Variants in SLC22A24 observed in about 807,000 individuals in gnomAD.
SLC22A24 encodes the protein steroid transmembrane transporter SLC22A24.
Under a neutral mutation model 49.8 loss-of-function variants are expected in SLC22A24, and 53 were observed. The ratio of observed to expected loss-of-function variants is 1.06; its 90% CI spans 0.85 to 1.34. SLC22A24 has a LOEUF of 1.34. Ranked by LOEUF, SLC22A24 falls within the 40% of genes most tolerant of loss-of-function variation. The pLI is 0.00. For missense variants in SLC22A24, 786 were observed against 675.9 expected (o/e 1.16, Z -1.81); for synonymous variants, 302 against 256.4 (o/e 1.18, Z -1.70).
intron 4 of SLC22A24, 131 bp from the exon 5 acceptor site, chr11:63,104,429 TTGGCCTCCTCTGC>T: frequency 1.0e-6 from 1 of 968,538 alleles, no homozygotes; most frequent in Non-Finnish European, 1.5e-6. Context: ...TCTGACCAAA[TTGGCCTCCTCTGC>T]TGGACTCCTA....
intron 4 of SLC22A24, among the ~76,000 whole-genome samples, chr11:63,105,508 C>A (rs1469288809): frequency 6.6e-6 from 1 of 152,142 alleles, no homozygotes; most frequent in Non-Finnish European, 1.5e-5. Context: ...TTCTGTGCAC[C>A]TGCAGGCTCA....
intron 2 of SLC22A24, among the ~76,000 whole-genome samples, chr11:63,132,502 C>A (rs1182002918): frequency 2.0e-5 from 3 of 152,276 alleles, no homozygotes; most frequent in Admixed American, 1.3e-4. Context: ...TGATGCTATT[C>A]CTTTCTGTTT....
intron 5 of SLC22A24, among the ~76,000 whole-genome samples, chr11:63,102,184 T>C (rs969507159): frequency 3.3e-5 from 5 of 152,136 alleles, no homozygotes; most frequent in African/African-American, 1.2e-4. Context: ...TGTATGTTTG[T>C]ATCAAAATAT....
intron 4 of SLC22A24, among the ~76,000 whole-genome samples, chr11:63,118,145 G>A (rs2087224869): frequency 6.6e-6 from 1 of 152,102 alleles, no homozygotes; most frequent in South Asian, 2.1e-4. Context: ...GTATAATAAT[G>A]ACAGCTTTTT....
intron 6 of SLC22A24, among the ~76,000 whole-genome samples, chr11:63,095,359 G>C (rs2087047293): frequency 6.6e-6 from 1 of 152,176 alleles, no homozygotes; most frequent in Non-Finnish European, 1.5e-5. Context: ...ATAACTTATG[G>C]AATATTCATA....
Position 63,125,163 on chromosome 11 carries a change from A to T in SLC22A24, c.507-5828T>A, listed in dbSNP as rs187613362. Among the ~76,000 whole-genome samples, 1,118 of 152,138 alleles carry T rather than the reference A, an allele frequency of 7.3e-3. 13 individuals are homozygous for T. Among genetic ancestry groups the T allele is most frequent in the African/African-American group, 0.024 (1,007 of 41,520 alleles). Reference sequence around the variant, plus strand: ...ATTGAAGTTTATTTTTCATTAAAAAATTTTTTTATTATACTTTAAGTTCTG... The same window carrying T: ...ATTGAAGTTTATTTTTCATTAAAAATTTTTTTTATTATACTTTAAGTTCTG... On this transcript the variant is annotated intron_variant, in intron 2 of 9. Coordinates refer to ENST00000612278, the MANE Select transcript of SLC22A24 (RefSeq NM_001136506.2).
At chr11:63,084,716 G>A (rs765508853) in intron 6 of SLC22A24, among the ~76,000 whole-genome samples, 12 of 151,978 alleles carry the variant, frequency 7.9e-5, no homozygotes, top group Non-Finnish European at 1.3e-4. Flanking sequence ...GTAGAAACCC[G>A]GCTCACAGAT....
At chr11:63,096,424 G>T (rs1159676209) in intron 5 of SLC22A24, among the ~76,000 whole-genome samples, 1 of 152,136 alleles carries the variant, frequency 6.6e-6, no homozygotes, top group Non-Finnish European at 1.5e-5. Flanking sequence ...AAAGGTTAAA[G>T]GTTTCTTTCT....
intron 5 of SLC22A24, among the ~76,000 whole-genome samples, chr11:63,096,382 A>G (rs1291216056): frequency 6.6e-6 from 1 of 152,178 alleles, no homozygotes; most frequent in Non-Finnish European, 1.5e-5. Flanking sequence ...TATTTGCATT[A>G]TAAATCGGAG....
intron 4 of SLC22A24, among the ~76,000 whole-genome samples, chr11:63,117,702 TTTC>T (rs762373893): frequency 6.6e-6 from 1 of 152,206 alleles, no homozygotes; most frequent in Non-Finnish European, 1.5e-5. Context: ...TTAATAACAT[TTTC>T]TTTTCTCTAG....
chr11:63,143,300 A>T, intron 1 of SLC22A24, 78 bp downstream of exon 1: 1 of 1,289,542 alleles, frequency 7.8e-7, no homozygotes, highest in Non-Finnish European at 1.0e-6. Flanking sequence ...GACTAAAGGT[A>T]TAAAGCAAGT....
Position 63,095,898 on chromosome 11 carries a change from A to G in SLC22A24, c.1070+93T>C. 11 of 924,064 alleles carry G rather than the reference A, an allele frequency of 1.2e-5. No individual in the cohort carries two copies. In the South Asian group the frequency reaches 1.3e-4, roughly 11 times the overall value. The allele number at this position is 924,064 out of a possible 1,614,324, so 57.2% of individuals were successfully genotyped here. A position where few individuals can be genotyped will look rare whatever the true frequency, so the allele number is the denominator to read the frequency against. On this transcript the variant is annotated intron_variant, in intron 6 of 9. Coordinates refer to ENST00000612278, the MANE Select transcript of SLC22A24 (RefSeq NM_001136506.2). Reference sequence around the variant, plus strand: ...GATTTTCTCTTCTCTTATGTATTAAATGTCCTCCAAATGCTGCTGCTAATC... The same window carrying G: ...GATTTTCTCTTCTCTTATGTATTAAGTGTCCTCCAAATGCTGCTGCTAATC...
intron 6 of SLC22A24, among the ~76,000 whole-genome samples, chr11:63,084,098 A>T (rs1032253418): frequency 2.6e-5 from 4 of 152,172 alleles, no homozygotes; most frequent in African/African-American, 9.7e-5. Flanking sequence ...GTCAGCTTGA[A>T]CTACAGAAAC....
chr11:63,091,455 A>G (rs1293030950), intron 6 of SLC22A24, among the ~76,000 whole-genome samples: 1 of 152,206 alleles, frequency 6.6e-6, no homozygotes, highest in Admixed American at 6.5e-5. Flanking sequence ...ACAACAACAA[A>G]AAAGAAAATT....
chr11:63,118,610 C>T (rs1339618074), intron 4 of SLC22A24: 3 of 549,932 alleles, frequency 5.5e-6, no homozygotes, highest in Non-Finnish European at 9.7e-6. Flanking sequence ...ATCTCCATCA[C>T]ATAATATTCC....
chr11:63,118,563 A>G (rs888779569), intron 4 of SLC22A24: 17 of 493,056 alleles, frequency 3.4e-5, no homozygotes, highest in African/African-American at 3.3e-4. Context: ...TTTTCCTTAT[A>G]TTCAATCTCA....
At chr11:63,083,684 G>A (rs995653911) in intron 6 of SLC22A24, among the ~76,000 whole-genome samples, 1 of 152,032 alleles carries the variant, frequency 6.6e-6, no homozygotes, top group Non-Finnish European at 1.5e-5. Context: ...TGTTAAAATG[G>A]GCTCTTCATT....
chr11:63,125,407 G>A (rs2087283037), intron 2 of SLC22A24, among the ~76,000 whole-genome samples: 1 of 152,096 alleles, frequency 6.6e-6, no homozygotes, highest in South Asian at 2.1e-4. Context: ...AACATGCAGT[G>A]TTTAGTTTTC....
intron 6 of SLC22A24, 37 bp from the exon 7 acceptor site, chr11:63,083,494 A>G: frequency 1.3e-6 from 2 of 1,481,926 alleles, no homozygotes; most frequent in Non-Finnish European, 1.8e-6. Context: ...ATATTCAATA[A>G]GATTTAAAGC....
Sources: gnomAD v4.1 joint callset for allele counts (sites outside exome capture counted in the v4.1 genomes callset) on GRCh38, gnomAD v4.1.1 for gene constraint, MANE v1.5 for transcripts, NCBI Gene and HGNC (gene_info 2026-07-23, HGNC 2026-07-21) for gene names.